CDK5RAP2: variants seen among roughly 807,000 people sequenced by gnomAD.
CDK5RAP2 encodes CDK5 regulatory subunit-associated protein 2.
CDK5RAP2 carries 147 observed loss-of-function variants against 232.9 expected under a neutral mutation model. That is an observed-to-expected ratio of 0.63 (90% CI 0.55 to 0.72). The LOEUF (loss-of-function observed/expected upper bound fraction) is 0.72. Ranked by LOEUF, CDK5RAP2 falls within the 30% of genes least tolerant of loss-of-function variation. The pLI, the probability that CDK5RAP2 is intolerant of heterozygous loss-of-function variation, is 0.00. For synonymous variants in CDK5RAP2, 833 were observed against 833.7 expected (o/e 1.00, Z 0.01); for missense variants, 2,195 against 2,231.5 (o/e 0.98, Z 0.33).
chr9:120,411,478 T>C lies in CDK5RAP2; in HGVS notation c.4298-4A>G, dbSNP rs749920944. ...GAAGCAAAAATGCTTGTAGAACCTA[T>C]AAAAACACACATAAAAACTGATTTA... On this transcript the variant is annotated splice_region_variant and splice_polypyrimidine_tract_variant and intron_variant, in intron 28 of 37. Transcript: ENST00000349780. The C allele has an allele frequency of 2.7e-6, 4 of 1,488,054 alleles. No homozygotes were observed. Among genetic ancestry groups the C allele is most frequent in the Admixed American group, 3.3e-5 (2 of 59,846 alleles). The allele number at this position is 1,488,054 out of a possible 1,614,324, so 92.2% of individuals were successfully genotyped here.
chr9:120,458,142 C>T lies in CDK5RAP2; in HGVS notation c.2375+308G>A, dbSNP rs116393613. The stretch of plus-strand genomic sequence containing the variant: ...CTGTTGTCGAAACTGGAAGATATTT[C>T]GGTAGGGCTGATTCCTCTCGCTGAC... On this transcript the variant is annotated intron_variant, in intron 20 of 37. Transcript: ENST00000349780. Among the ~76,000 whole-genome samples the T allele has an allele frequency of 4.0e-3, 615 of 152,278 alleles. 3 individuals are homozygous for T. The highest frequency in any genetic ancestry group is 0.014 in the African/African-American group (575 of 41,546).
intron 3 of CDK5RAP2, among the ~76,000 whole-genome samples, chr9:120,562,507 T>G (rs2042499420): frequency 4.6e-5 from 7 of 152,108 alleles, no homozygotes; most frequent in Admixed American, 4.6e-4. Flanking sequence ...CAGAGCTCCG[T>G]GGAAAGTGGC....
chr9:120,499,341 A>G (rs551883212), intron 12 of CDK5RAP2, among the ~76,000 whole-genome samples: 2 of 152,000 alleles, frequency 1.3e-5, no homozygotes, highest in East Asian at 3.9e-4. Flanking sequence ...TCAATGTACT[A>G]TTCTCTCTCC....
intron 28 of CDK5RAP2, among the ~76,000 whole-genome samples, chr9:120,414,420 C>G (rs916829090): frequency 6.6e-6 from 1 of 152,176 alleles, no homozygotes; most frequent in African/African-American, 2.4e-5. Flanking sequence ...CCAAGATTTA[C>G]TGCTCCATGA....
At chr9:120,426,759 T>C (rs1170642960) in intron 25 of CDK5RAP2, among the ~76,000 whole-genome samples, 1 of 152,194 alleles carries the variant, frequency 6.6e-6, no homozygotes, top group Non-Finnish European at 1.5e-5. Context: ...AAGAAATATA[T>C]TTTGGGGTAC....
chr9:120,468,659 A>G (rs557318143), intron 17 of CDK5RAP2, among the ~76,000 whole-genome samples: 1 of 152,370 alleles, frequency 6.6e-6, no homozygotes, highest in African/African-American at 2.4e-5. Context: ...AGAGTCCCAC[A>G]GCTGGGGTGT....
chr9:120,551,002 C>A, intron 3 of CDK5RAP2, 100 bp from the exon 4 acceptor site: 1 of 761,740 alleles, frequency 1.3e-6, no homozygotes. Context: ...GGCTACAAAA[C>A]TGATTCAAAT....
intron 3 of CDK5RAP2, among the ~76,000 whole-genome samples, chr9:120,559,762 T>C (rs148399946): frequency 1.3e-4 from 20 of 152,216 alleles, no homozygotes; most frequent in Middle Eastern, 3.4e-3. Flanking sequence ...AGTGCAGCCA[T>C]CTGAAATGGG....
At chr9:120,423,765 A>G (rs966845622) in intron 25 of CDK5RAP2, among the ~76,000 whole-genome samples, 5 of 152,252 alleles carry the variant, frequency 3.3e-5, no homozygotes, top group African/African-American at 7.2e-5. Flanking sequence ...GCACCCACAC[A>G]TGCAATTTTC....
chr9:120,500,019 T>C (rs923948626), intron 12 of CDK5RAP2, among the ~76,000 whole-genome samples: 2 of 152,200 alleles, frequency 1.3e-5, no homozygotes, highest in Non-Finnish European at 2.9e-5. Context: ...GTTTTTTGTT[T>C]TGTTTCATTT....
chr9:120,521,695 G>A (rs1458188600), intron 11 of CDK5RAP2, among the ~76,000 whole-genome samples: 1 of 148,130 alleles, frequency 6.8e-6, no homozygotes, highest in Non-Finnish European at 1.5e-5. Context: ...GCCCAGGCTG[G>A]AGTGCAGTGG....
intron 13 of CDK5RAP2, among the ~76,000 whole-genome samples, chr9:120,488,553 T>C (rs756635830): frequency 3.3e-5 from 5 of 152,248 alleles, no homozygotes; most frequent in African/African-American, 4.8e-5. Flanking sequence ...TCTTCTGCTA[T>C]ATACCTCCAT....
At chr9:120,415,180 T>G in intron 27 of CDK5RAP2, 21 bp from the exon 28 acceptor site, 1 of 1,613,570 alleles carries the variant, frequency 6.2e-7, no homozygotes, top group Non-Finnish European at 8.5e-7. Context: ...GAAGCCATTT[T>G]TAATTTAAAG....
intron 22 of CDK5RAP2, 87 bp from the exon 23 acceptor site, chr9:120,443,829 C>T (rs931661571): frequency 8.3e-6 from 13 of 1,570,158 alleles, no homozygotes; most frequent in Middle Eastern, 1.7e-4. Flanking sequence ...CACAAAGATA[C>T]AACAGGGAAA....
chr9:120,579,447 G>A (rs1232577093), intron 1 of CDK5RAP2, among the ~76,000 whole-genome samples: 1 of 152,182 alleles, frequency 6.6e-6, no homozygotes, highest in Non-Finnish European at 1.5e-5. Flanking sequence ...TCCAACTCTA[G>A]CCAAGGTTCT....
chr9:120,497,219 C>G (rs1195088702), intron 12 of CDK5RAP2, among the ~76,000 whole-genome samples: 2 of 131,820 alleles, frequency 1.5e-5, no homozygotes, highest in Non-Finnish European at 3.1e-5. Flanking sequence ...GCAGCATGCT[C>G]GTTAAGAGTC....
rs770094936 is a variant in CDK5RAP2, at chr9:120,530,069, G to T, written c.734C>A (p.Ser245Tyr). The T allele has an allele frequency of 1.2e-6, 2 of 1,613,812 alleles. No homozygotes were observed. The highest frequency in any genetic ancestry group is 2.2e-5 in the South Asian group (2 of 91,082). ...ATTCTCATCAGGACATGCCATCTGAGATTTCTCCTCTTTAAGGCACTGAAT... is the reference window on the plus strand; with the variant it reads ...ATTCTCATCAGGACATGCCATCTGATATTTCTCCTCTTTAAGGCACTGAAT... Reference protein sequence around the residue: ...ALIQCLKEEKSQMACPDENVS... With the variant: ...ALIQCLKEEKYQMACPDENVS... The change falls in exon 8 of 38, where the codon TCT becomes TAT. Residue 245 changes from serine to tyrosine, a missense_variant. Ser to Tyr is a moderately radical substitution (Grantham distance 144). Coordinates refer to ENST00000349780, the MANE Select transcript of CDK5RAP2 (RefSeq NM_018249.6).
At chr9:120,569,909 GT>G (rs1232019939) in intron 2 of CDK5RAP2, among the ~76,000 whole-genome samples, 1 of 152,146 alleles carries the variant, frequency 6.6e-6, no homozygotes, top group Non-Finnish European at 1.5e-5. Context: ...GTGAGAACTA[GT>G]CTGATTCCGA....
chr9:120,408,130 C>A, intron 31 of CDK5RAP2: 1 of 594,242 alleles, frequency 1.7e-6, no homozygotes, highest in South Asian at 1.8e-5. Context: ...GAACCCGGAC[C>A]TCGGCTGGCC....
Sources: allele counts gnomAD v4.1 joint callset (sites outside exome capture counted in the v4.1 genomes callset), GRCh38; gene constraint gnomAD v4.1.1; transcripts MANE v1.5; gene names NCBI Gene and HGNC (gene_info 2026-07-23, HGNC 2026-07-21).